Variants in KPNB1 observed in about 807,000 individuals in gnomAD.
KPNB1 encodes the protein karyopherin subunit beta 1.
In KPNB1, 7 loss-of-function variants were observed where a neutral mutation model predicts 113.0. That is an observed-to-expected ratio of 0.06 (90% CI 0.04 to 0.12). KPNB1 has a LOEUF of 0.12. Among genes scored for constraint, KPNB1 ranks in the 10% least tolerant of loss-of-function variants. The probability of loss-of-function intolerance (pLI) is 1.00; values close to 1 mark genes in which losing one functional copy is unlikely to be tolerated. For synonymous variants in KPNB1, 363 were observed against 378.6 expected, an observed-to-expected ratio of 0.96 and a Z score of 0.48; for missense variants, 400 against 1,054.8, an observed-to-expected ratio of 0.38 and a Z score of 8.60.
chr17:47,662,589 A>AG (rs2030137720), intron 6 of KPNB1, among the ~76,000 whole-genome samples: 1 of 151,842 alleles, frequency 6.6e-6, no homozygotes, highest in African/African-American at 2.4e-5. Context: ...AAAAAAAAAA[A>AG]AGAGAAAAAT....
At chr17:47,673,351 A>G in intron 13 of KPNB1, 139 bp from the exon 14 acceptor site, 2 of 863,896 alleles carry the variant, frequency 2.3e-6, no homozygotes, top group Non-Finnish European at 3.7e-6. Flanking sequence ...TTACTCATAT[A>G]TGTGTTACAC....
chr17:47,667,720 G>A (rs1273256557), intron 9 of KPNB1, among the ~76,000 whole-genome samples: 1 of 151,616 alleles, frequency 6.6e-6, no homozygotes, highest in African/African-American at 2.4e-5. Flanking sequence ...ACCACACCCA[G>A]CTAATTTTTG....
At chr17:47,668,099 A>T (rs907406524) in intron 9 of KPNB1, 87 bp from the exon 10 acceptor site, 1 of 1,008,584 alleles carries the variant, frequency 9.9e-7, no homozygotes, top group East Asian at 2.4e-5. Flanking sequence ...TTTAAGTTCT[A>T]AAGACATTCA....
chr17:47,679,937 T>C, intron 19 of KPNB1, 83 bp from the exon 20 acceptor site: 1 of 797,176 alleles, frequency 1.3e-6, no homozygotes, highest in Non-Finnish European at 2.2e-6. Context: ...GACCTTGTGA[T>C]CCACCCGCCT....
At chr17:47,677,221 G>C in intron 17 of KPNB1, 94 bp downstream of exon 17, 2 of 1,002,166 alleles carry the variant, frequency 2.0e-6, no homozygotes, top group Non-Finnish European at 3.0e-6. Context: ...GGGCGCAGTG[G>C]CCTGTAATCC....
intron 2 of KPNB1, chr17:47,651,218 G>A: frequency 2.0e-6 from 2 of 985,338 alleles, no homozygotes; most frequent in Non-Finnish European, 2.4e-6. Flanking sequence ...CGGAGAAAAT[G>A]AAGCTAAGTC....
intron 3 of KPNB1, among the ~76,000 whole-genome samples, chr17:47,654,690 T>G (rs1915672318): frequency 6.6e-6 from 1 of 152,208 alleles, no homozygotes; most frequent in Non-Finnish European, 1.5e-5. Context: ...CATCCGTAGT[T>G]TCTAAATCAC....
chr17:47,669,911 G>T, intron 11 of KPNB1, 42 bp downstream of exon 11: 1 of 1,424,426 alleles, frequency 7.0e-7, no homozygotes, highest in Non-Finnish European at 9.8e-7. Flanking sequence ...GCTTGCCTGC[G>T]CCACTGGCAA....
intron 4 of KPNB1, 88 bp from the exon 5 acceptor site, chr17:47,658,415 TTTTCA>T (rs1228664626): frequency 5.1e-6 from 7 of 1,380,334 alleles, no homozygotes; most frequent in East Asian, 4.7e-5. Context: ...CCTCTAAATA[TTTTCA>T]ATCCATAGTT....
At chr17:47,656,763 A>G (rs1411716080) in intron 3 of KPNB1, 97 bp from the exon 4 acceptor site, 7 of 1,240,232 alleles carry the variant, frequency 5.6e-6, no homozygotes, top group African/African-American at 1.5e-5. Context: ...AGAAAGAAAA[A>G]AAAGAATTCA....
chr17:47,654,213 G>A (rs1915656637), intron 3 of KPNB1, among the ~76,000 whole-genome samples: 2 of 152,156 alleles, frequency 1.3e-5, no homozygotes, highest in African/African-American at 2.4e-5. Flanking sequence ...TCAGGAGTTC[G>A]AGACCAGCCT....
chr17:47,657,804 G>A (rs1283199554), intron 4 of KPNB1, among the ~76,000 whole-genome samples: 2 of 152,166 alleles, frequency 1.3e-5, no homozygotes, highest in African/African-American at 2.4e-5. Flanking sequence ...GTTCAGTTCT[G>A]GATTGCCAGT....
intron 10 of KPNB1, among the ~76,000 whole-genome samples, chr17:47,669,339 A>C (rs572523654): frequency 6.6e-6 from 1 of 152,196 alleles, no homozygotes; most frequent in South Asian, 2.1e-4. Context: ...TCCTGACCTC[A>C]AGCAACTCCT....
Position 47,663,241 on chromosome 17 carries a change from C to A in KPNB1, c.786+63C>A, listed in dbSNP as rs1054071805. ...AATTACAGAGCCCATCATCCTTAGT[C>A]GCTATTTTGCCAATTCTGTAATATT... On this transcript the variant is annotated intron_variant, in intron 7 of 21. Coordinates refer to ENST00000290158, the MANE Select transcript of KPNB1 (RefSeq NM_002265.6). 1.7e-4 allele frequency: 143 copies of A among 856,444 alleles called. 1 individual carries two copies. Among genetic ancestry groups the A allele is most frequent in the South Asian group, 5.8e-4 (43 of 74,410 alleles). The allele number at this position is 856,444 out of a possible 1,614,324, so 53.1% of individuals were successfully genotyped here.
At position 47,650,230 on chromosome 17, in the gene KPNB1, G is replaced by GCCGCCACCT. The variant is rs1177960314; in HGVS notation, c.-8_1dup. ...CGTCGTCTTAGGAGGAGTCGCCGCC[G>GCCGCCACCT]CCGCCACCTCCGCCATGGAGCTGAT... On this transcript the variant is annotated 5_prime_UTR_variant, in exon 1 of 22. Transcript: ENST00000290158. 1 of 1,572,718 alleles carries GCCGCCACCT rather than the reference G, an allele frequency of 6.4e-7. No homozygotes were observed.
chr17:47,662,688 C>T (rs2030143024), intron 6 of KPNB1, among the ~76,000 whole-genome samples: 1 of 151,892 alleles, frequency 6.6e-6, no homozygotes, highest in African/African-American at 2.4e-5. Flanking sequence ...TCGAGATGAG[C>T]CTGGTCAACA....
intron 3 of KPNB1, 115 bp from the exon 4 acceptor site, chr17:47,656,745 C>G: frequency 4.9e-6 from 5 of 1,029,280 alleles, no homozygotes; most frequent in Non-Finnish European, 7.2e-6. Context: ...GAGACCCTGT[C>G]TTAAGAAAGA....
At chr17:47,676,342 GT>G (rs2030614395) in intron 15 of KPNB1, 66 bp from the exon 16 acceptor site, 1 of 1,145,732 alleles carries the variant, frequency 8.7e-7, no homozygotes, top group African/African-American at 1.5e-5. Context: ...GGTAGGATGG[GT>G]TATTTCTGCC....
In KPNB1 at chr17:47,665,125, G is replaced by C; in HGVS notation, c.966G>C (p.Leu322=). The change falls in exon 9 of 22, where the codon CTG becomes CTC. Residue 322 remains leucine, a synonymous_variant. Transcript: ENST00000290158. Reference sequence around the variant, plus strand: ...ATGCGAAGGGAGCACTACAGTATCTGGTTCCAATCCTCACACAGACACTAA... The same window carrying C: ...ATGCGAAGGGAGCACTACAGTATCTCGTTCCAATCCTCACACAGACACTAA... ...KFYAKGALQY[L]VPILTQTLTK... is the part of the protein sequence containing the mutation. 4 of 1,614,094 alleles carry C rather than the reference G, an allele frequency of 2.5e-6. No individual in the cohort carries two copies. Among genetic ancestry groups the C allele is most frequent in the Non-Finnish European group, 3.4e-6 (4 of 1,179,986 alleles).
Sources: allele counts gnomAD v4.1 joint callset (sites outside exome capture counted in the v4.1 genomes callset), GRCh38; gene constraint gnomAD v4.1.1; transcripts MANE v1.5; gene names NCBI Gene and HGNC (gene_info 2026-07-23, HGNC 2026-07-21).